Variants in LNPEP observed in about 807,000 individuals in gnomAD.
LNPEP encodes leucyl-cystinyl aminopeptidase.
Under a neutral mutation model 120.6 loss-of-function variants are expected in LNPEP, and 64 were observed. That is an observed-to-expected ratio of 0.53 (90% CI 0.43 to 0.65). The LOEUF (loss-of-function observed/expected upper bound fraction) is 0.65, where lower values mean the gene tolerates loss of function less well. Among genes scored for constraint, LNPEP ranks in the 30% least tolerant of loss-of-function variants. LNPEP has a pLI of 0.00. For synonymous variants in LNPEP, 435 were observed against 425.4 expected (o/e 1.02, Z -0.28); for missense variants, 1,057 against 1,200.0 (o/e 0.88, Z 1.76).
chr5:96,974,205 A>G (rs543758708), intron 1 of LNPEP, among the ~76,000 whole-genome samples: 7 of 151,918 alleles, frequency 4.6e-5, no homozygotes, highest in Non-Finnish European at 1.0e-4. Context: ...GCCCTCTCCT[A>G]TGGCACCTGT....
intron 1 of LNPEP, among the ~76,000 whole-genome samples, chr5:96,947,539 G>A (rs1789216257): frequency 6.6e-6 from 1 of 152,048 alleles, no homozygotes; most frequent in African/African-American, 2.4e-5. Flanking sequence ...TTTAGTTCAT[G>A]GAGTATTGTA....
chr5:96,968,664 G>T (rs1405500530), intron 1 of LNPEP, among the ~76,000 whole-genome samples: 2 of 151,896 alleles, frequency 1.3e-5, no homozygotes, highest in East Asian at 3.9e-4. Context: ...TTTTTTAAAG[G>T]TGAAAGAAAC....
chr5:96,937,255 C>T (rs1788928606), intron 1 of LNPEP: 1 of 152,190 alleles, frequency 6.6e-6, no homozygotes, highest in African/African-American at 2.4e-5. Flanking sequence ...CCACTTTATC[C>T]CAAATCCCAG....
chr5:97,024,670 G>A lies in LNPEP; in HGVS notation c.2711G>A (p.Arg904Gln), dbSNP rs373163003. 1.2e-5 allele frequency: 19 copies of A among 1,613,148 alleles called. No individual in the cohort carries two copies. The highest frequency in any genetic ancestry group is 4.4e-5 in the South Asian group (4 of 90,986). Residue 904 changes from arginine to glutamine, a missense_variant, in exon 15 of 18, where the codon CGG becomes CAG. Arg to Gln is a conservative substitution (Grantham distance 43). Transcript: ENST00000231368. ...LEALASSEDV[R>Q]KLYWLMKSSL... ...GCACTTGCCAGCTCAGAGGATGTGCGGAAGCTTTACTGGTATGAAATCACC... is the reference window on the plus strand; with the variant it reads ...GCACTTGCCAGCTCAGAGGATGTGCAGAAGCTTTACTGGTATGAAATCACC...
chr5:97,012,727 A>T (rs1185698174), intron 11 of LNPEP, among the ~76,000 whole-genome samples: 1 of 152,146 alleles, frequency 6.6e-6, no homozygotes, highest in African/African-American at 2.4e-5. Context: ...ATTCATACAT[A>T]TATTTTGTGG....
At chr5:96,950,791 C>T (rs931874349) in intron 1 of LNPEP, among the ~76,000 whole-genome samples, 5 of 152,064 alleles carry the variant, frequency 3.3e-5, no homozygotes, top group African/African-American at 9.7e-5. Flanking sequence ...TTATTGTGTG[C>T]GGTACTATGA....
intron 2 of LNPEP, among the ~76,000 whole-genome samples, chr5:96,984,207 C>A (rs906389721): frequency 5.9e-5 from 9 of 152,144 alleles, no homozygotes; most frequent in Non-Finnish European, 1.2e-4. Context: ...AGGGAGAAGG[C>A]CTGGAAATTA....
Position 96,985,168 on chromosome 5 carries a change from A to C in LNPEP, c.949A>C (p.Ile317Leu). 1 of 1,613,920 alleles carries C rather than the reference A, an allele frequency of 6.2e-7. No individual in the cohort carries two copies. Among genetic ancestry groups the C allele is most frequent in the Non-Finnish European group, 8.5e-7 (1 of 1,179,850 alleles). The stretch of plus-strand genomic sequence containing the variant: ...ACCAGCATTTAAAGCCACTTTTATC[A>C]TCAAGATCATAAGGGATGAGCAATA... ...DEPAFKATFI[I>L]KIIRDEQYTA... Residue 317 changes from isoleucine to leucine, a missense_variant, in exon 3 of 18, where the codon ATC becomes CTC. Coordinates refer to ENST00000231368, the MANE Select transcript of LNPEP (RefSeq NM_005575.3).
At chr5:96,950,763 A>G (rs1561428273) in intron 1 of LNPEP, among the ~76,000 whole-genome samples, 1 of 152,226 alleles carries the variant, frequency 6.6e-6, no homozygotes, top group Non-Finnish European at 1.5e-5. Context: ...CAACTCATTA[A>G]TGGCCACACA....
At chr5:96,971,063 C>G (rs1789848372) in intron 1 of LNPEP, among the ~76,000 whole-genome samples, 1 of 151,984 alleles carries the variant, frequency 6.6e-6, no homozygotes. Context: ...AAAATGTGTT[C>G]TAAATGAATT....
chr5:96,979,103 A>C, intron 1 of LNPEP, 35 bp from the exon 2 acceptor site: 2 of 1,534,472 alleles, frequency 1.3e-6, no homozygotes, highest in Non-Finnish European at 1.7e-6. Flanking sequence ...TTTTTTTCTA[A>C]CTCTGTGCCT....
At chr5:96,986,798 A>G (rs575182394) in intron 4 of LNPEP, 128 bp downstream of exon 4, 4 of 816,056 alleles carry the variant, frequency 4.9e-6, no homozygotes, top group South Asian at 4.2e-5. Flanking sequence ...GACATTTTAT[A>G]CCAGAAATGC....
At chr5:96,977,413 A>G (rs1446344431) in intron 1 of LNPEP, among the ~76,000 whole-genome samples, 1 of 152,184 alleles carries the variant, frequency 6.6e-6, no homozygotes, top group Non-Finnish European at 1.5e-5. Context: ...TGTGCTCAAA[A>G]TAGTAAGCAG....
At chr5:96,999,892 C>T (rs528865665) in intron 8 of LNPEP, among the ~76,000 whole-genome samples, 3 of 151,548 alleles carry the variant, frequency 2.0e-5, no homozygotes, top group Non-Finnish European at 2.9e-5. Context: ...CAGGGAAATA[C>T]GTTTAGCAGA....
At chr5:96,947,080 TTTTATC>T (rs1419032011) in intron 1 of LNPEP, among the ~76,000 whole-genome samples, 14 of 152,270 alleles carry the variant, frequency 9.2e-5, no homozygotes, top group African/African-American at 3.1e-4. Context: ...AAAGTAAACT[TTTTATC>T]TTTAGATCTT....
chr5:96,962,788 C>G (rs1468430915), intron 1 of LNPEP: 1 of 152,050 alleles, frequency 6.6e-6, no homozygotes, highest in Non-Finnish European at 1.5e-5. Context: ...CTCTGCTGTG[C>G]CGTCTCTTTA....
At chr5:97,008,823 C>G (rs1490316487) in intron 11 of LNPEP, among the ~76,000 whole-genome samples, 1 of 151,922 alleles carries the variant, frequency 6.6e-6, no homozygotes, top group African/African-American at 2.4e-5. Context: ...TGCCACCATG[C>G]CCGGCTAATT....
chr5:97,022,258 C>T (rs1791219392), intron 13 of LNPEP, 42 bp from the exon 14 acceptor site: 10 of 1,217,168 alleles, frequency 8.2e-6, no homozygotes, highest in Admixed American at 6.4e-5. Flanking sequence ...TCTGATTGTC[C>T]TAATTATTAT....
Position 97,026,722 on chromosome 5 carries a change from T to A in LNPEP, c.2829T>A (p.Asp943Glu), listed in dbSNP as rs761557416. 2 of 1,613,394 alleles carry A rather than the reference T, an allele frequency of 1.2e-6. No homozygotes were observed. The highest frequency in any genetic ancestry group is 2.7e-5 in the African/African-American group (2 of 74,910). ...TTCCTGGACACTTACTGGCATGGGA[T>A]TTTGTCAAAGAGAACTGGAATAAGC... is the stretch of plus-strand genomic sequence containing the variant. Reference protein sequence around the residue: ...RHFPGHLLAWDFVKENWNKLV... With the variant: ...RHFPGHLLAWEFVKENWNKLV... Residue 943 changes from aspartate (D) to glutamate (E), a missense_variant, in exon 16 of 18, where the codon GAT becomes GAA. Physicochemically the swap from Asp to Glu is conservative, Grantham distance 45 (BLOSUM62 2). Transcript: ENST00000231368.
Sources: gnomAD v4.1 joint callset for allele counts (sites outside exome capture counted in the v4.1 genomes callset) on GRCh38, gnomAD v4.1.1 for gene constraint, MANE v1.5 for transcripts, NCBI Gene and HGNC (gene_info 2026-07-23, HGNC 2026-07-21) for gene names.